Variants in VTI1A observed in about 807,000 individuals in gnomAD.
The protein encoded by VTI1A is vesicle transport through interaction with t-SNAREs 1A.
In VTI1A, 22 loss-of-function variants were observed where a neutral mutation model predicts 34.9. The observed-to-expected ratio is 0.63, with a 90% CI of 0.45 to 0.90. VTI1A has a LOEUF of 0.90. VTI1A is among the 40% of genes least tolerant of loss of function. The pLI, the probability that VTI1A is intolerant of heterozygous loss-of-function variation, is 0.00. For synonymous variants in VTI1A, 87 were observed against 97.3 expected, an observed-to-expected ratio of 0.89 and a Z score of 0.62; for missense variants, 268 against 275.6, an observed-to-expected ratio of 0.97 and a Z score of 0.20.
At chr10:112,464,762 G>A in intron 3 of VTI1A, 105 bp downstream of exon 3, 2 of 917,702 alleles carry the variant, frequency 2.2e-6, no homozygotes, top group Non-Finnish European at 3.4e-6. Flanking sequence ...TCATGTAGAA[G>A]ACAAGTAACA....
chr10:112,469,658 C>T (rs1848012922), intron 3 of VTI1A, among the ~76,000 whole-genome samples: 1 of 152,152 alleles, frequency 6.6e-6, no homozygotes, highest in Non-Finnish European at 1.5e-5. Flanking sequence ...AATAAGTGCT[C>T]TCTCGCCTAT....
At chr10:112,631,177 A>G (rs1846117276) in intron 5 of VTI1A, among the ~76,000 whole-genome samples, 1 of 152,090 alleles carries the variant, frequency 6.6e-6, no homozygotes, top group Non-Finnish European at 1.5e-5. Flanking sequence ...GCTACTCTCA[A>G]CTACACTGGG....
intron 5 of VTI1A, among the ~76,000 whole-genome samples, chr10:112,598,795 A>G (rs1382247935): frequency 6.6e-6 from 1 of 152,128 alleles, no homozygotes; most frequent in African/African-American, 2.4e-5. Context: ...TTGATTTTCT[A>G]CGTGTGGTAG....
chr10:112,651,639 C>T (rs1847025131), intron 5 of VTI1A, among the ~76,000 whole-genome samples: 1 of 152,150 alleles, frequency 6.6e-6, no homozygotes, highest in Admixed American at 6.5e-5. Context: ...TTGATGATCC[C>T]AGTCTTTTTT....
At chr10:112,564,293 A>G (rs1178518339) in intron 5 of VTI1A, among the ~76,000 whole-genome samples, 1 of 151,940 alleles carries the variant, frequency 6.6e-6, no homozygotes, top group Admixed American at 6.6e-5. Flanking sequence ...TGATTTCTTT[A>G]TAACAAAAGC....
At chr10:112,747,492 T>C (rs1850938797) in intron 7 of VTI1A, among the ~76,000 whole-genome samples, 2 of 152,242 alleles carry the variant, frequency 1.3e-5, no homozygotes, top group Admixed American at 6.5e-5. Context: ...TATTTGTGTA[T>C]ATAAACATAG....
At chr10:112,515,789 T>G (rs992782007) in intron 3 of VTI1A, among the ~76,000 whole-genome samples, 1 of 152,056 alleles carries the variant, frequency 6.6e-6, no homozygotes, top group East Asian at 1.9e-4. Flanking sequence ...TGTTTATTAG[T>G]ATTAGGCATA....
the VTI1A span, among the ~76,000 whole-genome samples, chr10:112,854,583 C>T: frequency 4.6e-5 from 7 of 152,148 alleles, no homozygotes; most frequent in Admixed American, 2.0e-4. Context: ...GTGTGACTTT[C>T]GACCGTCTCA....
At chr10:112,748,688 C>T (rs543030617) in intron 7 of VTI1A, among the ~76,000 whole-genome samples, 228 of 141,172 alleles carry the variant, frequency 1.6e-3, no homozygotes, top group African/African-American at 6.1e-3. Context: ...TGCAGTGGCG[C>T]GATCTCGGCT....
At chr10:112,530,300 G>A (rs377120837) in intron 4 of VTI1A, among the ~76,000 whole-genome samples, 17 of 152,206 alleles carry the variant, frequency 1.1e-4, no homozygotes, top group South Asian at 4.1e-4. Context: ...TGAAAATACC[G>A]TATTTACCAT....
the VTI1A span, among the ~76,000 whole-genome samples, chr10:112,845,655 A>T: frequency 1.3e-5 from 2 of 152,134 alleles, no homozygotes; most frequent in African/African-American, 4.8e-5. Flanking sequence ...CGGGAGGAGG[A>T]GGAAAGTCAG....
intron 4 of VTI1A, among the ~76,000 whole-genome samples, chr10:112,534,715 G>T (rs1850561348): frequency 6.6e-6 from 1 of 152,138 alleles, no homozygotes; most frequent in Non-Finnish European, 1.5e-5. Flanking sequence ...GGGAGCAGTT[G>T]TATATATACA....
At chr10:112,504,086 G>A (rs947148618) in intron 3 of VTI1A, among the ~76,000 whole-genome samples, 2 of 152,132 alleles carry the variant, frequency 1.3e-5, no homozygotes, top group Non-Finnish European at 2.9e-5. Flanking sequence ...CTGAAAAGTT[G>A]TTCTAAAAAT....
intron 7 of VTI1A, among the ~76,000 whole-genome samples, chr10:112,718,619 G>A (rs1216928097): frequency 6.6e-6 from 1 of 152,094 alleles, no homozygotes; most frequent in Non-Finnish European, 1.5e-5. Flanking sequence ...GGATAATCTA[G>A]AAAAGAATAT....
chr10:112,629,375 C>T (rs1589994957), intron 5 of VTI1A, among the ~76,000 whole-genome samples: 1 of 152,246 alleles, frequency 6.6e-6, no homozygotes, highest in Non-Finnish European at 1.5e-5. Context: ...CCTCCTATCG[C>T]CGTCATTCTT....
intron 5 of VTI1A, among the ~76,000 whole-genome samples, chr10:112,612,920 G>T (rs962972858): frequency 5.7e-5 from 6 of 106,088 alleles, no homozygotes. Context: ...CTCAATGTTT[G>T]CCATTTATTT....
At chr10:112,676,477 A>G (rs1044558573) in intron 7 of VTI1A, among the ~76,000 whole-genome samples, 2 of 152,168 alleles carry the variant, frequency 1.3e-5, no homozygotes, top group Admixed American at 1.3e-4. Context: ...GGAGGGTGCC[A>G]GATGAGTGCT....
At chr10:112,723,361 C>T (rs1453694176) in intron 7 of VTI1A, among the ~76,000 whole-genome samples, 1 of 152,202 alleles carries the variant, frequency 6.6e-6, no homozygotes, top group Non-Finnish European at 1.5e-5. Flanking sequence ...AGCTCTAGAA[C>T]TTCCCGATGA....
At chr10:112,564,855 G>A (rs981690154) in intron 5 of VTI1A, among the ~76,000 whole-genome samples, 1 of 152,106 alleles carries the variant, frequency 6.6e-6, no homozygotes, top group Non-Finnish European at 1.5e-5. Flanking sequence ...TCAAACTTTA[G>A]TAGTAGCAAT....
Sources: allele counts gnomAD v4.1 joint callset (sites outside exome capture counted in the v4.1 genomes callset), GRCh38; gene constraint gnomAD v4.1.1; transcripts MANE v1.5; gene names NCBI Gene and HGNC (gene_info 2026-07-23, HGNC 2026-07-21).